The following TMEM74 variants were observed in gnomAD, a reference collection of about 807,000 sequenced individuals.
TMEM74 encodes the protein transmembrane protein 74.
Under a neutral mutation model 18.1 loss-of-function variants are expected in TMEM74, and 13 were observed. That is an observed-to-expected ratio of 0.72 (90% CI 0.47 to 1.14). The LOEUF (loss-of-function observed/expected upper bound fraction) is 1.14. Ranked by LOEUF, TMEM74 falls within the 50% of genes most tolerant of loss-of-function variation. The pLI, the probability that TMEM74 is intolerant of heterozygous loss-of-function variation, is 0.00. For missense variants in TMEM74, 372 were observed against 375.9 expected (o/e 0.99, Z 0.09); for synonymous variants, 159 against 146.6 (o/e 1.08, Z -0.61).
At chr8:108,785,245 C>T (rs1453037997) in intron 1 of TMEM74, 108 bp from the exon 2 acceptor site, 8 of 792,004 alleles carry the variant, frequency 1.0e-5, no homozygotes, top group Non-Finnish European at 1.3e-5. Context: ...ACCTGTTTAG[C>T]CCCTTTTCCA....
chr8:108,667,169 T>TA (rs1331409545), intron 1 of TMEM74, among the ~76,000 whole-genome samples: 1 of 152,122 alleles, frequency 6.6e-6, no homozygotes, highest in Non-Finnish European at 1.5e-5. Context: ...TGATCTAGAT[T>TA]AAAAACAGAC....
intron 2 of TMEM74, among the ~76,000 whole-genome samples, chr8:108,650,408 C>T (rs1166751358): frequency 6.6e-6 from 1 of 152,138 alleles, no homozygotes; most frequent in Non-Finnish European, 1.5e-5. Flanking sequence ...TTTTCTGTCC[C>T]AAACTATCTA....
chr8:108,648,971 T>C (rs917671683), intron 2 of TMEM74, among the ~76,000 whole-genome samples: 2 of 152,192 alleles, frequency 1.3e-5, no homozygotes, highest in Non-Finnish European at 2.9e-5. Flanking sequence ...AGAGTATTTA[T>C]ATTAAGCTAC....
exon 4 of TMEM74, chr8:108,607,470 C>A (rs77277608): frequency 6.6e-6 from 1 of 152,214 alleles, no homozygotes; most frequent in Non-Finnish European, 1.5e-5. Context: ...AGAGAATCTG[C>A]GCAATTAGAT....
chr8:108,762,635 A>G (rs947124340), intron 1 of TMEM74, among the ~76,000 whole-genome samples: 5 of 152,064 alleles, frequency 3.3e-5, no homozygotes, highest in African/African-American at 1.2e-4. Flanking sequence ...TTTCCCCATG[A>G]TACATTCTCA....
intron 2 of TMEM74, among the ~76,000 whole-genome samples, chr8:108,610,732 G>A (rs1812326130): frequency 6.6e-6 from 1 of 152,196 alleles, no homozygotes; most frequent in African/African-American, 2.4e-5. Context: ...CATGAAAAGA[G>A]CAGAGGACAG....
At chr8:108,738,723 A>C (rs1312511369) in intron 1 of TMEM74, among the ~76,000 whole-genome samples, 1 of 152,184 alleles carries the variant, frequency 6.6e-6, no homozygotes, top group Non-Finnish European at 1.5e-5. Flanking sequence ...CTTTGGGAAA[A>C]ATAAAATCAA....
chr8:108,785,281 G>A (rs1814370777), intron 1 of TMEM74, 144 bp from the exon 2 acceptor site: 1 of 603,944 alleles, frequency 1.7e-6, no homozygotes, highest in Non-Finnish European at 2.8e-6. Flanking sequence ...AGAAGGGAGG[G>A]GATACCTAGT....
At chr8:108,726,732 T>G (rs1813642554) in intron 1 of TMEM74, among the ~76,000 whole-genome samples, 1 of 152,074 alleles carries the variant, frequency 6.6e-6, no homozygotes, top group South Asian at 2.1e-4. Context: ...GAGGTACTGA[T>G]ATATCAGTGC....
intron 1 of TMEM74, among the ~76,000 whole-genome samples, chr8:108,656,219 G>T (rs1812819794): frequency 6.6e-6 from 1 of 152,194 alleles, no homozygotes; most frequent in South Asian, 2.1e-4. Context: ...CCTGCCTGCA[G>T]AGAATCTGCT....
chr8:108,687,780 A>G (rs1158280277), intron 1 of TMEM74, among the ~76,000 whole-genome samples: 2 of 152,104 alleles, frequency 1.3e-5, no homozygotes, highest in Admixed American at 6.5e-5. Context: ...TGCAGGAGGC[A>G]GAGGTCAGGT....
intron 1 of TMEM74, among the ~76,000 whole-genome samples, chr8:108,734,364 A>G (rs1041448805): frequency 1.3e-5 from 2 of 152,020 alleles, no homozygotes; most frequent in Non-Finnish European, 2.9e-5. Context: ...TGAAACTTCT[A>G]AGCTTCCATA....
chr8:108,656,613 A>T (rs1369785218), intron 1 of TMEM74, among the ~76,000 whole-genome samples: 1 of 151,944 alleles, frequency 6.6e-6, no homozygotes, highest in African/African-American at 2.4e-5. Context: ...AGACATAACC[A>T]CTCTTAGGAT....
At chr8:108,629,978 A>G (rs1365161142) in intron 2 of TMEM74, among the ~76,000 whole-genome samples, 1 of 152,128 alleles carries the variant, frequency 6.6e-6, no homozygotes, top group African/African-American at 2.4e-5. Context: ...AAATTCAGAC[A>G]TAACAATATT....
chr8:108,640,586 T>C (rs1257907149), intron 2 of TMEM74, among the ~76,000 whole-genome samples: 1 of 152,146 alleles, frequency 6.6e-6, no homozygotes, highest in Non-Finnish European at 1.5e-5. Flanking sequence ...TGGAAGAACC[T>C]TGGATATTTA....
At position 108,732,594 on chromosome 8, in the gene TMEM74, T is replaced by A. The variant is rs1391917306; in HGVS notation, n.119+54882A>T. On this transcript the variant is annotated intron_variant and non_coding_transcript_variant, in intron 1 of 3. Coordinates refer to the TMEM74 transcript ENST00000518838. The stretch of plus-strand genomic sequence containing the variant: ...ATAGACTCACATATATATGATAAAA[T>A]AATTTTCAACAGAGTCATCAAAGCA... Among the ~76,000 whole-genome samples the A allele has an allele frequency of 2.6e-5, 4 of 151,928 alleles. 1 individual carries two copies. The highest frequency in any genetic ancestry group is 5.9e-5 in the Non-Finnish European group (4 of 67,954).
chr8:108,774,994 C>T (rs1475482174), downstream of TMEM74, among the ~76,000 whole-genome samples: 2 of 152,016 alleles, frequency 1.3e-5, no homozygotes, highest in African/African-American at 4.8e-5. Context: ...CCAAGACCTC[C>T]AAAATGTACA....
At chr8:108,640,371 C>T (rs1812652108) in intron 2 of TMEM74, among the ~76,000 whole-genome samples, 2 of 151,930 alleles carry the variant, frequency 1.3e-5, no homozygotes, top group South Asian at 2.1e-4. Flanking sequence ...GCCTCGGCCT[C>T]CCAAAGTGCT....
In TMEM74 at chr8:108,786,094, C is replaced by G. The variant is rs577783916; in HGVS notation, c.-39-957G>C. Among the ~76,000 whole-genome samples, 15 of 152,300 alleles carry G rather than the reference C, an allele frequency of 9.8e-5. No homozygotes were observed. The East Asian group carries it at 2.9e-3, about 29-fold the overall frequency. On this transcript the variant is annotated intron_variant, in intron 1 of 1. Coordinates refer to ENST00000297459, the MANE Select transcript of TMEM74 (RefSeq NM_153015.3). ...ATCTGGATAGTTTTACAAACCCAAT[C>G]TAGAAGTGAACTGATAATAAAAGAC...
Sources: allele counts gnomAD v4.1 joint callset (sites outside exome capture counted in the v4.1 genomes callset), GRCh38; gene constraint gnomAD v4.1.1; transcripts MANE v1.5; gene names NCBI Gene and HGNC (gene_info 2026-07-23, HGNC 2026-07-21).